Variants in CSMD1 observed in about 807,000 individuals in gnomAD.
The protein encoded by CSMD1 is CUB and sushi domain-containing protein 1.
Under a neutral mutation model 417.5 loss-of-function variants are expected in CSMD1, and 213 were observed. That is an observed-to-expected ratio of 0.51 (90% CI 0.46 to 0.57). The LOEUF (loss-of-function observed/expected upper bound fraction) is 0.57. CSMD1 is among the 20% of genes least tolerant of loss of function. The probability of loss-of-function intolerance (pLI) is 0.00; values close to 1 mark genes in which losing one functional copy is unlikely to be tolerated. For missense variants in CSMD1, 6,923 were observed against 4,529.7 expected, an observed-to-expected ratio of 1.53 and a Z score of -15.17; for synonymous variants, 2,862 against 1,736.8, an observed-to-expected ratio of 1.65 and a Z score of -16.11.
chr8:3,367,883 G>A (rs1809701842), intron 19 of CSMD1, among the ~76,000 whole-genome samples: 1 of 152,138 alleles, frequency 6.6e-6, no homozygotes, highest in African/African-American at 2.4e-5. Context: ...GACAGTATTT[G>A]TCCCAGAGGG....
intron 2 of CSMD1, among the ~76,000 whole-genome samples, chr8:4,581,161 A>G (rs765566255): frequency 7.9e-5 from 12 of 152,242 alleles, no homozygotes; most frequent in Non-Finnish European, 1.5e-4. Context: ...ATCTATGAAC[A>G]CAAATTTCTA....
In CSMD1 at chr8:4,826,215, T is replaced by C. The variant is rs142872455; in HGVS notation, c.85+168117A>G. On this transcript the variant is annotated intron_variant, in intron 1 of 69. Transcript: ENST00000635120. ...TTCATTGTTGCCTTATTCACAATTG[T>C]CAAGACATGAAAGCAACCTAAATAT... 5.5e-3 allele frequency among the ~76,000 whole-genome samples: 836 copies of C among 152,066 alleles called. 10 individuals are homozygous for C. Among genetic ancestry groups the C allele is most frequent in the African/African-American group, 0.019 (780 of 41,492 alleles).
intron 25 of CSMD1, among the ~76,000 whole-genome samples, chr8:3,285,301 T>C (rs944110556): frequency 4.6e-5 from 7 of 152,178 alleles, no homozygotes; most frequent in Admixed American, 1.3e-4. Flanking sequence ...ATTTTTAAAA[T>C]AATCAAGATA....
chr8:4,451,846 A>G (rs1231036384), intron 2 of CSMD1, among the ~76,000 whole-genome samples: 1 of 151,850 alleles, frequency 6.6e-6, no homozygotes, highest in Non-Finnish European at 1.5e-5. Context: ...TACGTAATTC[A>G]CTCATTTATG....
chr8:4,872,037 G>A (rs1802765651), intron 1 of CSMD1, among the ~76,000 whole-genome samples: 1 of 152,090 alleles, frequency 6.6e-6, no homozygotes, highest in African/African-American at 2.4e-5. Flanking sequence ...CATGGCTCCT[G>A]CAGACAATAT....
chr8:3,533,552 A>G (rs1276057999), intron 10 of CSMD1, among the ~76,000 whole-genome samples: 1 of 152,212 alleles, frequency 6.6e-6, no homozygotes, highest in Admixed American at 6.5e-5. Flanking sequence ...TACTATGTCT[A>G]TAAAGCAGGT....
intron 3 of CSMD1, among the ~76,000 whole-genome samples, chr8:4,210,852 G>C (rs149684355): frequency 6.6e-6 from 1 of 152,078 alleles, no homozygotes; most frequent in African/African-American, 2.4e-5. Context: ...GGAAAGAAAT[G>C]TTTCACAGCA....
intron 3 of CSMD1, among the ~76,000 whole-genome samples, chr8:4,058,448 G>A (rs946853505): frequency 6.6e-6 from 1 of 152,220 alleles, no homozygotes; most frequent in South Asian, 2.1e-4. Context: ...GGACAATGGG[G>A]TTTTCCAGAT....
chr8:4,086,686 A>T (rs931686549), intron 3 of CSMD1, among the ~76,000 whole-genome samples: 2 of 152,234 alleles, frequency 1.3e-5, no homozygotes, highest in African/African-American at 4.8e-5. Context: ...TATTTAAGCA[A>T]CCTGAACTTC....
intron 18 of CSMD1, among the ~76,000 whole-genome samples, chr8:3,380,310 C>T (rs1483520804): frequency 6.6e-6 from 1 of 152,108 alleles, no homozygotes; most frequent in Non-Finnish European, 1.5e-5. Context: ...ATTAGTTCAA[C>T]CATTGTGGAA....
At chr8:4,326,350 C>T (rs1264237435) in intron 3 of CSMD1, among the ~76,000 whole-genome samples, 6 of 152,116 alleles carry the variant, frequency 3.9e-5, no homozygotes, top group Non-Finnish European at 8.8e-5. Context: ...AGACATGGGG[C>T]AACCTGACGA....
intron 3 of CSMD1, among the ~76,000 whole-genome samples, chr8:4,211,292 GTTCTT>G (rs987535405): frequency 6.6e-6 from 1 of 151,792 alleles, no homozygotes. Context: ...CTTTTCTTTG[GTTCTT>G]TTCTTTAATC....
intron 2 of CSMD1, among the ~76,000 whole-genome samples, chr8:4,591,660 G>A (rs552678940): frequency 2.0e-5 from 3 of 152,266 alleles, no homozygotes; most frequent in South Asian, 2.1e-4. Flanking sequence ...AAGTATGTAG[G>A]TCAGTGTCAG....
At chr8:4,614,202 T>G (rs1017903374) in intron 2 of CSMD1, among the ~76,000 whole-genome samples, 8 of 152,232 alleles carry the variant, frequency 5.3e-5, no homozygotes, top group African/African-American at 1.7e-4. Context: ...CAAAGGGCAT[T>G]GGGGGCCAGC....
At chr8:3,235,170 T>C (rs1399183172) in intron 26 of CSMD1, among the ~76,000 whole-genome samples, 1 of 152,214 alleles carries the variant, frequency 6.6e-6, no homozygotes, top group Admixed American at 6.5e-5. Flanking sequence ...GCAACATTTA[T>C]ACAATGAAAT....
chr8:3,147,592 T>C (rs1264884701), intron 40 of CSMD1, among the ~76,000 whole-genome samples: 2 of 152,186 alleles, frequency 1.3e-5, no homozygotes, highest in African/African-American at 2.4e-5. Context: ...CAACCGCCAT[T>C]GAGGCTTCCT....
At chr8:3,685,989 A>C (rs371753841) in intron 7 of CSMD1, among the ~76,000 whole-genome samples, 7 of 152,156 alleles carry the variant, frequency 4.6e-5, no homozygotes, top group Non-Finnish European at 5.9e-5. Flanking sequence ...TACCAAATAA[A>C]ATATATTATT....
At chr8:4,900,851 T>A (rs1804821977) in intron 1 of CSMD1, among the ~76,000 whole-genome samples, 2 of 152,246 alleles carry the variant, frequency 1.3e-5, no homozygotes, top group Admixed American at 1.3e-4. Context: ...TGTCCTTATG[T>A]AATGCACACT....
At chr8:4,136,662 T>C (rs1329453830) in intron 3 of CSMD1, among the ~76,000 whole-genome samples, 1 of 152,212 alleles carries the variant, frequency 6.6e-6, no homozygotes, top group Non-Finnish European at 1.5e-5. Context: ...TTTTTCCTCT[T>C]ATTGTCTCAC....
Sources: allele counts gnomAD v4.1 joint callset (sites outside exome capture counted in the v4.1 genomes callset), GRCh38; gene constraint gnomAD v4.1.1; transcripts MANE v1.5; gene names NCBI Gene and HGNC (gene_info 2026-07-23, HGNC 2026-07-21).